The following G2E3 variants were observed in gnomAD, a reference collection of about 807,000 sequenced individuals.
G2E3 encodes G2/M-phase specific E3 ubiquitin protein ligase, also known as G2/M phase-specific E3 ubiquitin-protein ligase.
Under a neutral mutation model 92.8 loss-of-function variants are expected in G2E3, and 35 were observed. The ratio of observed to expected loss-of-function variants is 0.38; its 90% confidence interval spans 0.29 to 0.50. The LOEUF (loss-of-function observed/expected upper bound fraction) is 0.50. Among genes scored for constraint, G2E3 ranks in the 20% least tolerant of loss-of-function variants. The probability of loss-of-function intolerance (pLI) is 0.94; values close to 1 mark genes in which losing one functional copy is unlikely to be tolerated. For missense variants in G2E3, 554 were observed against 823.8 expected, an observed-to-expected ratio of 0.67 and a Z score of 4.01; for synonymous variants, 242 against 272.4, an observed-to-expected ratio of 0.89 and a Z score of 1.10.
At chr14:30,604,342 G>C (rs1024198022) in intron 10 of G2E3, among the ~76,000 whole-genome samples, 1 of 152,252 alleles carries the variant, frequency 6.6e-6, no homozygotes, top group African/African-American at 2.4e-5. Flanking sequence ...AACGTCTTGG[G>C]GTGGGACAGA....
chr14:30,589,442 A>G lies in G2E3; in HGVS notation c.195A>G (p.Leu65=), dbSNP rs760733961. 6.2e-7 allele frequency: 1 copy of G among 1,603,426 alleles called. No individual in the cohort carries two copies. The highest frequency in any genetic ancestry group is 8.5e-7 in the Non-Finnish European group (1 of 1,170,816). The change falls in exon 4 of 15, where the codon CTA becomes CTG. Residue 65 remains leucine, a synonymous_variant. Transcript: ENST00000206595. ...GKEEEGVYGF[L]IEDIRKEVNR... is the part of the protein sequence containing the mutation. ...AAGAAGAAGGAGTTTATGGTTTTCTAATAGAAGATATCAGGAAGGAAGTGA... is the reference window on the plus strand; with the variant it reads ...AAGAAGAAGGAGTTTATGGTTTTCTGATAGAAGATATCAGGAAGGAAGTGA...
chr14:30,585,210 C>A (rs889834647), intron 2 of G2E3, among the ~76,000 whole-genome samples: 3 of 152,022 alleles, frequency 2.0e-5, no homozygotes, highest in Non-Finnish European at 4.4e-5. Flanking sequence ...GTTACCTGTG[C>A]TTTTAGTATC....
At chr14:30,578,851 A>G (rs957231367) in intron 1 of G2E3, among the ~76,000 whole-genome samples, 2 of 152,188 alleles carry the variant, frequency 1.3e-5, no homozygotes, top group African/African-American at 4.8e-5. Context: ...CAACCCTTCT[A>G]CACACACGCT....
rs1882462975 is a variant in G2E3 at position 30,619,438 on chromosome 14, T to G, written c.*2904T>G. Reference sequence around the variant, plus strand: ...AAATCATTACATTATAAACATGTAATTCTTTTATATAGTGATTATCATGTA... The same window carrying G: ...AAATCATTACATTATAAACATGTAAGTCTTTTATATAGTGATTATCATGTA... On this transcript the variant is annotated 3_prime_UTR_variant, in exon 15 of 15. Coordinates refer to ENST00000206595, the MANE Select transcript of G2E3 (RefSeq NM_017769.5). The G allele has an allele frequency of 6.6e-6, 1 of 152,132 alleles. No individual in the cohort carries two copies. 9.4% of individuals were successfully genotyped at this position (152,132 alleles called of 1,614,324 possible).
chr14:30,612,461 G>T, intron 13 of G2E3, 82 bp downstream of exon 13: 3 of 857,532 alleles, frequency 3.5e-6, no homozygotes, highest in Non-Finnish European at 3.6e-6. Context: ...AGATATATTT[G>T]GTAATAAGTG....
Position 30,566,999 on chromosome 14 carries a change from G to T in G2E3, c.-5+7727G>T, listed in dbSNP as rs140744473. 8.6e-4 allele frequency among the ~76,000 whole-genome samples: 131 copies of T among 152,178 alleles called. 1 individual carries two copies. The highest frequency in any genetic ancestry group is 3.0e-3 in the African/African-American group (125 of 41,532). On this transcript the variant is annotated intron_variant, in intron 1 of 14. Transcript: ENST00000206595. The stretch of plus-strand genomic sequence containing the variant: ...ATATTATATTGGTTGATTTCCATAT[G>T]CTGAACCACCTTTGCATTTCTGGGA...
intron 2 of G2E3, among the ~76,000 whole-genome samples, chr14:30,586,223 C>T (rs1304616270): frequency 6.6e-6 from 1 of 152,132 alleles, no homozygotes; most frequent in Non-Finnish European, 1.5e-5. Context: ...TCCATTTTAC[C>T]CCCTCTTGGA....
intron 1 of G2E3, among the ~76,000 whole-genome samples, chr14:30,569,907 A>G (rs2138780296): frequency 6.6e-6 from 1 of 152,296 alleles, no homozygotes; most frequent in African/African-American, 2.4e-5. Flanking sequence ...CACTCTACTT[A>G]GAATGCTTTT....
chr14:30,560,633 C>T, intron 1 of G2E3: 2 of 555,324 alleles, frequency 3.6e-6, no homozygotes, highest in Non-Finnish European at 6.3e-6. Context: ...AAAAATTGAT[C>T]GCTATATCCT....
intron 1 of G2E3, among the ~76,000 whole-genome samples, chr14:30,577,244 GAA>G (rs1214685974): frequency 8.6e-6 from 1 of 115,958 alleles, no homozygotes; most frequent in Non-Finnish European, 1.8e-5. Context: ...AAAAAAAAAA[GAA>G]AAAGAAAAAA....
intron 4 of G2E3, among the ~76,000 whole-genome samples, chr14:30,591,922 G>C (rs978039370): frequency 6.6e-6 from 1 of 151,926 alleles, no homozygotes; most frequent in Non-Finnish European, 1.5e-5. Flanking sequence ...TTACAAATTG[G>C]TTTATAGTAT....
intron 2 of G2E3, among the ~76,000 whole-genome samples, chr14:30,584,116 G>A (rs760529380): frequency 2.0e-5 from 3 of 152,152 alleles, no homozygotes; most frequent in Non-Finnish European, 4.4e-5. Flanking sequence ...TAAGTAAATT[G>A]AGTAATATTG....
intron 2 of G2E3, among the ~76,000 whole-genome samples, chr14:30,581,818 T>A (rs1880453325): frequency 6.6e-6 from 1 of 152,240 alleles, no homozygotes; most frequent in African/African-American, 2.4e-5. Flanking sequence ...GTTGTTTTCT[T>A]CATTTATTAT....
At chr14:30,583,427 T>C (rs899083253) in intron 2 of G2E3, among the ~76,000 whole-genome samples, 2 of 152,130 alleles carry the variant, frequency 1.3e-5, no homozygotes, top group Non-Finnish European at 2.9e-5. Flanking sequence ...AAGCTAGTCA[T>C]GGAAAGACAA....
intron 4 of G2E3, chr14:30,590,593 C>G (rs994724736): frequency 6.7e-6 from 3 of 447,330 alleles, no homozygotes; most frequent in African/African-American, 6.1e-5. Context: ...ACAAGGGAAG[C>G]ACATAAGAAA....
intron 6 of G2E3, among the ~76,000 whole-genome samples, chr14:30,594,842 A>G (rs573024541): frequency 6.7e-6 from 1 of 150,290 alleles, no homozygotes; most frequent in Non-Finnish European, 1.5e-5. Flanking sequence ...AAAGTGCAGG[A>G]TGAAGGCAGG....
chr14:30,585,646 C>A (rs751572242), intron 2 of G2E3, among the ~76,000 whole-genome samples: 1 of 150,980 alleles, frequency 6.6e-6, no homozygotes, highest in African/African-American at 2.4e-5. Flanking sequence ...TAAAAAGAAC[C>A]AACTTTTTTT....
chr14:30,612,699 A>G (rs2138916143), intron 13 of G2E3, among the ~76,000 whole-genome samples: 1 of 152,176 alleles, frequency 6.6e-6, no homozygotes, highest in South Asian at 2.1e-4. Flanking sequence ...CTGTACTAAA[A>G]TACAAAAATT....
chr14:30,575,724 A>G (rs1254748841), intron 1 of G2E3, among the ~76,000 whole-genome samples: 3 of 152,208 alleles, frequency 2.0e-5, no homozygotes, highest in African/African-American at 7.2e-5. Context: ...TACACCAAAA[A>G]CAGCCAAACC....
Sources: allele counts gnomAD v4.1 joint callset (sites outside exome capture counted in the v4.1 genomes callset), GRCh38; gene constraint gnomAD v4.1.1; transcripts MANE v1.5; gene names NCBI Gene and HGNC (gene_info 2026-07-23, HGNC 2026-07-21).